Variants in ACBD5 observed in about 807,000 individuals in gnomAD.
ACBD5 encodes the protein acyl-CoA binding domain containing 5.
In ACBD5, 40 loss-of-function variants were observed where a neutral mutation model predicts 71.8. That is an observed-to-expected ratio of 0.56 (90% CI 0.43 to 0.72). The LOEUF is 0.72. ACBD5 is among the 30% of genes least tolerant of loss of function. The pLI, the probability that ACBD5 is intolerant of heterozygous loss-of-function variation, is 0.00. For synonymous variants in ACBD5, 229 were observed against 218.6 expected (o/e 1.05, Z -0.42); for missense variants, 559 against 644.5 (o/e 0.87, Z 1.44).
In ACBD5 at chr10:27,219,875, C is replaced by G. The variant is rs1033029003; in HGVS notation, c.491-18G>C. On this transcript the variant is annotated intron_variant, in intron 5 of 12. Transcript: ENST00000396271. Reference sequence around the variant, plus strand: ...ACCAAGATCTAAAACATGAAATGACCACTTACTCACAATGTGATAATATAC... The same window carrying G: ...ACCAAGATCTAAAACATGAAATGACGACTTACTCACAATGTGATAATATAC... 1 of 1,612,296 alleles carries G rather than the reference C, an allele frequency of 6.2e-7. No homozygotes were observed. Among genetic ancestry groups the G allele is most frequent in the African/African-American group, 1.3e-5 (1 of 74,954 alleles).
intron 8 of ACBD5, 74 bp from the exon 9 acceptor site, chr10:27,211,155 G>A: frequency 7.1e-7 from 1 of 1,414,732 alleles, no homozygotes; most frequent in Non-Finnish European, 9.9e-7. Flanking sequence ...TACAGCAATA[G>A]GAGAAATACT....
At chr10:27,234,982 T>A in intron 3 of ACBD5, 110 bp downstream of exon 3, 1 of 1,130,538 alleles carries the variant, frequency 8.8e-7, no homozygotes, top group South Asian at 1.4e-5. Flanking sequence ...TTGTACCCAA[T>A]ACCTAGGACA....
chr10:27,233,835 G>A (rs2780668), intron 3 of ACBD5, among the ~76,000 whole-genome samples: 110,090 of 152,118 alleles, frequency 0.72, 39,948 homozygotes, highest in Non-Finnish European at 0.74. Flanking sequence ...ACCTGATGTC[G>A]GGAGTTCAAG....
intron 5 of ACBD5, among the ~76,000 whole-genome samples, chr10:27,222,103 G>T (rs1259019306): frequency 6.6e-6 from 1 of 151,992 alleles, no homozygotes. Flanking sequence ...GTTTATGACC[G>T]TGACAAGGAC....
At chr10:27,191,268 A>G (rs2059065639), downstream of ACBD5, among the ~76,000 whole-genome samples, 1 of 152,214 alleles carries the variant, frequency 6.6e-6, no homozygotes, top group Admixed American at 6.5e-5. Flanking sequence ...CTATAGAGAC[A>G]GTAAAAGGAT....
rs1206988098 is a variant in ACBD5, at chr10:27,196,019, A to G, written c.*1411T>C. The G allele has an allele frequency of 1.5e-5, 6 of 412,962 alleles. No individual in the cohort carries two copies. In the Admixed American group the frequency reaches 1.8e-4, roughly 12 times the overall value. The allele number at this position is 412,962 out of a possible 1,614,324, so 25.6% of individuals were successfully genotyped here. On this transcript the variant is annotated 3_prime_UTR_variant, in exon 13 of 13. Coordinates refer to ENST00000396271, the MANE Select transcript of ACBD5 (RefSeq NM_145698.5). ...GGAGTTTGAGATCAGCCTTACCAAC[A>G]TGGAGAAACCCCGTCTCTACTAAAA... is the stretch of plus-strand genomic sequence containing the variant.
intron 8 of ACBD5, among the ~76,000 whole-genome samples, chr10:27,214,828 T>C (rs2061452750): frequency 6.6e-6 from 1 of 152,190 alleles, no homozygotes; most frequent in African/African-American, 2.4e-5. Flanking sequence ...GGAGCACTGA[T>C]TGAGGCCAAG....
At chr10:27,235,023 A>T in intron 3 of ACBD5, 69 bp downstream of exon 3, 1 of 1,463,166 alleles carries the variant, frequency 6.8e-7, no homozygotes, top group Non-Finnish European at 9.5e-7. Flanking sequence ...ATAACCACTT[A>T]AGTAATAGCC....
At chr10:27,189,629 G>C (rs1431991418) in intron 13 of ACBD5, among the ~76,000 whole-genome samples, 1 of 26,796 alleles carries the variant, frequency 3.7e-5, no homozygotes, top group Admixed American at 3.4e-4. Context: ...TTGTGGGGTG[G>C]GGGGGAGGGA....
chr10:27,216,635 G>A (rs1340243279), intron 7 of ACBD5, among the ~76,000 whole-genome samples: 2 of 152,086 alleles, frequency 1.3e-5, no homozygotes, highest in Non-Finnish European at 2.9e-5. Context: ...AGACGAATTT[G>A]ATTTATCAAG....
At chr10:27,227,426 T>C (rs1386333678) in intron 4 of ACBD5, among the ~76,000 whole-genome samples, 1 of 152,162 alleles carries the variant, frequency 6.6e-6, no homozygotes, top group Admixed American at 6.5e-5. Context: ...ATCCTAATGC[T>C]CTACTCTCTG....
intron 8 of ACBD5, among the ~76,000 whole-genome samples, chr10:27,211,884 T>G (rs1337707425): frequency 3.3e-5 from 5 of 152,086 alleles, no homozygotes; most frequent in Non-Finnish European, 7.3e-5. Flanking sequence ...TAAGGTTTCC[T>G]TCAGGAAGGG....
downstream of ACBD5, chr10:27,193,450 T>G (rs987023912): frequency 9.2e-5 from 14 of 151,358 alleles, no homozygotes; most frequent in African/African-American, 3.4e-4. Flanking sequence ...AAAAAAGAAC[T>G]GATAAGAACT....
chr10:27,219,236 G>C (rs1026807276), intron 6 of ACBD5, among the ~76,000 whole-genome samples: 3 of 151,878 alleles, frequency 2.0e-5, no homozygotes, highest in Non-Finnish European at 4.4e-5. Context: ...TGCAGAGGGC[G>C]GCAGAGGCTG....
At chr10:27,223,087 ATGTGTT>A in intron 5 of ACBD5, 2 of 670,828 alleles carry the variant, frequency 3.0e-6, no homozygotes. Flanking sequence ...ACTTCATATA[ATGTGTT>A]TGCCTGGAAT....
intron 4 of ACBD5, among the ~76,000 whole-genome samples, chr10:27,225,719 T>C (rs867867688): frequency 2.0e-5 from 3 of 152,148 alleles, no homozygotes; most frequent in African/African-American, 7.2e-5. Context: ...AAGAGAAATG[T>C]TTAATGTGAC....
intron 3 of ACBD5, among the ~76,000 whole-genome samples, chr10:27,233,620 A>C (rs1044872708): frequency 7.9e-5 from 12 of 152,226 alleles, no homozygotes; most frequent in African/African-American, 2.9e-4. Context: ...AGGGCGGCTG[A>C]GGTGGGAGAA....
intron 12 of ACBD5, among the ~76,000 whole-genome samples, chr10:27,199,375 G>A (rs902823217): frequency 6.6e-6 from 1 of 151,764 alleles, no homozygotes; most frequent in Admixed American, 6.6e-5. Context: ...AGTCTTCTAA[G>A]GTAATAGAGT....
chr10:27,210,636 T>C (rs572145913), intron 9 of ACBD5, among the ~76,000 whole-genome samples, 178 bp downstream of exon 9: 354 of 152,242 alleles, frequency 2.3e-3, no homozygotes, highest in Non-Finnish European at 3.7e-3. Context: ...TGGGTGCCTA[T>C]AATCCCAGCT....
Sources: allele counts gnomAD v4.1 joint callset (sites outside exome capture counted in the v4.1 genomes callset), GRCh38; gene constraint gnomAD v4.1.1; transcripts MANE v1.5; gene names NCBI Gene and HGNC (gene_info 2026-07-23, HGNC 2026-07-21).